The following RNASE8 variants were observed in gnomAD, a reference collection of about 807,000 sequenced individuals.
The protein encoded by RNASE8 is ribonuclease 8.
For missense variants in RNASE8, 179 were observed against 187.9 expected (o/e 0.95, Z 0.28); for synonymous variants, 68 against 74.1 (o/e 0.92, Z 0.42).
chr14:21,058,227 C>A, the RNASE8 span: 1 of 1,614,162 alleles, frequency 6.2e-7, no homozygotes. Context: ...GAGCTCACCT[C>A]AGGGAAGTAC....
At position 21,058,209 on chromosome 14, in the gene RNASE8, C is replaced by T. The variant is rs755438878; in HGVS notation, c.317C>T (p.Thr106Ile). ...CHQSHGPMSL[T>I]MGELTSGKYP... ...CAGAGCCACGGGCCCATGTCCCTGA[C>T]CATGGGTGAGCTCACCTCAGGGAAG... The change falls in exon 1 of 1, where the codon ACC (threonine) becomes ATC (isoleucine). Residue 106 changes from threonine (T) to isoleucine (I), a missense_variant. Coordinates refer to ENST00000308227, the MANE Select transcript of RNASE8 (RefSeq NM_138331.2). The T allele has an allele frequency of 3.1e-6, 5 of 1,614,018 alleles. No homozygotes were observed. The East Asian group carries it at 8.9e-5, about 29-fold the overall frequency.
chr14:21,058,054 G>A lies in RNASE8; in HGVS notation c.162G>A (p.Met54Ile), dbSNP rs754094447. The A allele has an allele frequency of 4.3e-6, 7 of 1,614,126 alleles. No homozygotes were observed. Among genetic ancestry groups the A allele is most frequent in the Non-Finnish European group, 5.9e-6 (7 of 1,180,036 alleles). Residue 54 changes from methionine to isoleucine, a missense_variant, in exon 1 of 1, where the codon ATG becomes ATA. Transcript: ENST00000308227. ...GCCCTCAAGCATGCAACTCAGCCAT[G>A]AGCATCATCAATAAGTACACAGAAC... The part of the protein sequence containing the change: ...QPSPQACNSA[M>I]SIINKYTERC...
At position 21,058,300 on chromosome 14, in the gene RNASE8, A is replaced by T. The variant is rs1258367412; in HGVS notation, c.408A>T (p.Pro136=). ...NTPYIVACDP[P]QQGDPGYPLV... ...CTTACATAGTGGCCTGTGACCCTCC[A>T]CAACAGGGTGACCCAGGGTACCCAC... Residue 136 remains proline, a synonymous_variant, in exon 1 of 1, where the codon CCA becomes CCT. Coordinates refer to ENST00000308227, the MANE Select transcript of RNASE8 (RefSeq NM_138331.2). 1 of 1,614,032 alleles carries T rather than the reference A, an allele frequency of 6.2e-7. No individual in the cohort carries two copies. Among genetic ancestry groups the T allele is most frequent in the Admixed American group, 1.7e-5 (1 of 60,010 alleles).
Position 21,058,292 on chromosome 14 carries a change from G to A in RNASE8, c.400G>A (p.Asp134Asn). ...GAACACACCTTACATAGTGGCCTGTGACCCTCCACAACAGGGTGACCCAGG... is the reference window on the plus strand; with the variant it reads ...GAACACACCTTACATAGTGGCCTGTAACCCTCCACAACAGGGTGACCCAGG... The part of the protein sequence containing the change: ...HLNTPYIVAC[D>N]PPQQGDPGYP... The change falls in exon 1 of 1, where the codon GAC becomes AAC. Residue 134 changes from aspartate (D) to asparagine (N), a missense_variant. By Grantham distance (23) the Asp-to-Asn change is conservative. Transcript: ENST00000308227. 6.2e-7 allele frequency: 1 copy of A among 1,614,118 alleles called. No homozygotes were observed. The highest frequency in any genetic ancestry group is 8.5e-7 in the Non-Finnish European group (1 of 1,180,012).
chr14:21,058,214 G>A lies in RNASE8; in HGVS notation c.322G>A (p.Gly108Ser), dbSNP rs112589920. 1,597 of 1,614,096 alleles carry A rather than the reference G, an allele frequency of 9.9e-4. 6 individuals are homozygous for A. The African/African-American group carries it at 0.018, about 18-fold the overall frequency. Residue 108 changes from glycine to serine, a missense_variant, in exon 1 of 1, where the codon GGT becomes AGT. Transcript: ENST00000308227. ...CCACGGGCCCATGTCCCTGACCATG[G>A]GTGAGCTCACCTCAGGGAAGTACCC... Reference protein sequence around the residue: ...QSHGPMSLTMGELTSGKYPNC... With the variant: ...QSHGPMSLTMSELTSGKYPNC...
Position 21,058,020 on chromosome 14 carries a change from T to TGCA in RNASE8, c.131_133dup (p.Gln44dup). The stretch of plus-strand genomic sequence containing the variant: ...TCTCAGTGGTTTAAAACTCAGCATG[T>TGCA]GCAGCCCAGCCCTCAAGCATGCAAC... On this transcript the variant is annotated inframe_insertion, in exon 1 of 1. Coordinates refer to ENST00000308227, the MANE Select transcript of RNASE8 (RefSeq NM_138331.2). 1 of 1,614,076 alleles carries TGCA rather than the reference T, an allele frequency of 6.2e-7. No homozygotes were observed. The highest frequency in any genetic ancestry group is 8.5e-7 in the Non-Finnish European group (1 of 1,179,998).
In RNASE8 at chr14:21,058,444, C is replaced by A; in HGVS notation, c.*87C>A. On this transcript the variant is annotated 3_prime_UTR_variant, in exon 1 of 1. Coordinates refer to ENST00000308227, the MANE Select transcript of RNASE8 (RefSeq NM_138331.2). ...CCAGTTCGTTATTAATCCTTGCTCC[C>A]CACTGCAAATGCCATTTCCCTCCCA... 1.0e-6 allele frequency: 1 copy of A among 972,026 alleles called. No homozygotes were observed. Among genetic ancestry groups the A allele is most frequent in the Non-Finnish European group, 1.5e-6 (1 of 653,388 alleles). The allele number at this position is 972,026 out of a possible 1,614,324, so 60.2% of individuals were successfully genotyped here. A position where few individuals can be genotyped will look rare whatever the true frequency, so the allele number is the denominator to read the frequency against.
In RNASE8 at chr14:21,058,416, C is replaced by T; in HGVS notation, c.*59C>T. The T allele has an allele frequency of 4.0e-6, 5 of 1,263,606 alleles. No homozygotes were observed. Among genetic ancestry groups the T allele is most frequent in the Non-Finnish European group, 5.6e-6 (5 of 898,672 alleles). The allele number at this position is 1,263,606 out of a possible 1,614,324, so 78.3% of individuals were successfully genotyped here. ...AGACTGTATGCTGCTGCTTTTCCTC[C>T]CTCCAGTTCGTTATTAATCCTTGCT... is the stretch of plus-strand genomic sequence containing the variant. On this transcript the variant is annotated 3_prime_UTR_variant, in exon 1 of 1. Transcript: ENST00000308227.
At position 21,058,103 on chromosome 14, in the gene RNASE8, C is replaced by G; in HGVS notation, c.211C>G (p.Leu71Val). 1 of 1,614,164 alleles carries G rather than the reference C, an allele frequency of 6.2e-7. No homozygotes were observed. ...ACGGTGCAAAGACCTCAACACCTTC[C>G]TGCACGAGCCCTTCTCCAGTGTGGC... is the stretch of plus-strand genomic sequence containing the variant. The part of the protein sequence containing the change: ...TERCKDLNTF[L>V]HEPFSSVAIT... Residue 71 changes from leucine (L) to valine (V), a missense_variant, in exon 1 of 1, where the codon CTG becomes GTG. Physicochemically the swap from Leu to Val is conservative, Grantham distance 32. Transcript: ENST00000308227.
At position 21,058,185 on chromosome 14, in the gene RNASE8, A is replaced by G; in HGVS notation, c.293A>G (p.Gln98Arg). The G allele has an allele frequency of 6.2e-7, 1 of 1,614,178 alleles. No individual in the cohort carries two copies. Residue 98 changes from glutamine (Q) to arginine (R), a missense_variant, in exon 1 of 1, where the codon CAG becomes CGG. Coordinates refer to ENST00000308227, the MANE Select transcript of RNASE8 (RefSeq NM_138331.2). The part of the protein sequence containing the change: ...ACKNSCKNCH[Q>R]SHGPMSLTMG... ...AAGAATAGCTGTAAAAACTGCCACC[A>G]GAGCCACGGGCCCATGTCCCTGACC...
Position 21,058,007 on chromosome 14 carries a change from A to C in RNASE8, c.115A>C (p.Lys39Gln), listed in dbSNP as rs376705419. The C allele has an allele frequency of 2.6e-4, 424 of 1,613,948 alleles. 1 individual carries two copies. Among genetic ancestry groups the C allele is most frequent in the Non-Finnish European group, 3.0e-4 (353 of 1,180,006 alleles). ...GGACATGACATCATCTCAGTGGTTT[A>C]AAACTCAGCATGTGCAGCCCAGCCC... ...PKDMTSSQWF[K>Q]TQHVQPSPQA... The change falls in exon 1 of 1, where the codon AAA becomes CAA. Residue 39 changes from lysine (K) to glutamine (Q), a missense_variant. Lys to Gln is a moderately conservative substitution (Grantham distance 53, BLOSUM62 1). Coordinates refer to ENST00000308227, the MANE Select transcript of RNASE8 (RefSeq NM_138331.2).
rs1199766406 is a variant in RNASE8, at chr14:21,058,425, C to T, written c.*68C>T. On this transcript the variant is annotated 3_prime_UTR_variant, in exon 1 of 1. Transcript: ENST00000308227. ...GCTGCTGCTTTTCCTCCCTCCAGTT[C>T]GTTATTAATCCTTGCTCCCCACTGC... 7.9e-6 allele frequency: 9 copies of T among 1,146,266 alleles called. No individual in the cohort carries two copies. The highest frequency in any genetic ancestry group is 3.1e-5 in the African/African-American group (2 of 64,748). The allele number at this position is 1,146,266 out of a possible 1,614,324, so 71.0% of individuals were successfully genotyped here.
Position 21,058,385 on chromosome 14 carries a change from C to T in RNASE8, c.*28C>T, listed in dbSNP as rs776457451. Reference sequence around the variant, plus strand: ...CCTGGTGCCCACGTTCCACCTCACACTCTGCAGACTGTATGCTGCTGCTTT... The same window carrying T: ...CCTGGTGCCCACGTTCCACCTCACATTCTGCAGACTGTATGCTGCTGCTTT... On this transcript the variant is annotated 3_prime_UTR_variant, in exon 1 of 1. Coordinates refer to ENST00000308227, the MANE Select transcript of RNASE8 (RefSeq NM_138331.2). 1 of 1,472,832 alleles carries T rather than the reference C, an allele frequency of 6.8e-7. No individual in the cohort carries two copies. The highest frequency in any genetic ancestry group is 1.2e-5 in the South Asian group (1 of 81,000). The allele number at this position is 1,472,832 out of a possible 1,614,324, so 91.2% of individuals were successfully genotyped here.
the RNASE8 span, chr14:21,058,109 G>T: frequency 1.2e-6 from 2 of 1,614,042 alleles, no homozygotes; most frequent in South Asian, 1.1e-5. Context: ...CTTCCTGCAC[G>T]AGCCCTTCTC....
Position 21,058,108 on chromosome 14 carries a change from C to G in RNASE8, c.216C>G (p.His72Gln), listed in dbSNP as rs770559955. 1.2e-6 allele frequency: 2 copies of G among 1,614,190 alleles called. No homozygotes were observed. Among genetic ancestry groups the G allele is most frequent in the South Asian group, 2.2e-5 (2 of 91,082 alleles). The change falls in exon 1 of 1, where the codon CAC (histidine) becomes CAG (glutamine). Residue 72 changes from histidine (H) to glutamine (Q), a missense_variant. By Grantham distance (24) the His-to-Gln change is conservative (BLOSUM62 0). Coordinates refer to ENST00000308227, the MANE Select transcript of RNASE8 (RefSeq NM_138331.2). ...ERCKDLNTFL[H>Q]EPFSSVAITC... The stretch of plus-strand genomic sequence containing the variant: ...GCAAAGACCTCAACACCTTCCTGCA[C>G]GAGCCCTTCTCCAGTGTGGCCATCA...
At position 21,058,387 on chromosome 14, in the gene RNASE8, C is replaced by A; in HGVS notation, c.*30C>A. ...TGGTGCCCACGTTCCACCTCACACTCTGCAGACTGTATGCTGCTGCTTTTC... is the reference window on the plus strand; with the variant it reads ...TGGTGCCCACGTTCCACCTCACACTATGCAGACTGTATGCTGCTGCTTTTC... On this transcript the variant is annotated 3_prime_UTR_variant, in exon 1 of 1. Transcript: ENST00000308227. The A allele has an allele frequency of 1.4e-6, 2 of 1,470,356 alleles. No homozygotes were observed. The highest frequency in any genetic ancestry group is 1.9e-6 in the Non-Finnish European group (2 of 1,066,970). 91.1% of individuals were successfully genotyped at this position (1,470,356 alleles called of 1,614,324 possible).
Position 21,057,910 on chromosome 14 carries a change from A to C in RNASE8, c.18A>C (p.Ala6=). The stretch of plus-strand genomic sequence containing the variant: ...TAAGAGAGATGGCACCGGCCAGAGC[A>C]GGATGCTGCCCCCTGCTGCTGCTGC... MAPAR[A]GCCPLLLLLL... The change falls in exon 1 of 1, where the codon GCA becomes GCC. Residue 6 remains alanine, a synonymous_variant. Coordinates refer to ENST00000308227, the MANE Select transcript of RNASE8 (RefSeq NM_138331.2). The C allele has an allele frequency of 3.1e-6, 5 of 1,613,944 alleles. No individual in the cohort carries two copies. Among genetic ancestry groups the C allele is most frequent in the Non-Finnish European group, 4.2e-6 (5 of 1,179,964 alleles).
At position 21,058,139 on chromosome 14, in the gene RNASE8, C is replaced by A; in HGVS notation, c.247C>A (p.Gln83Lys). The A allele has an allele frequency of 6.2e-7, 1 of 1,614,154 alleles. No individual in the cohort carries two copies. The highest frequency in any genetic ancestry group is 1.1e-5 in the South Asian group (1 of 91,086). Reference sequence around the variant, plus strand: ...CTTCTCCAGTGTGGCCATCACCTGCCAGACCCCCAACATAGCCTGCAAGAA... The same window carrying A: ...CTTCTCCAGTGTGGCCATCACCTGCAAGACCCCCAACATAGCCTGCAAGAA... ...EPFSSVAITC[Q>K]TPNIACKNSC... Residue 83 changes from glutamine (Q) to lysine (K), a missense_variant, in exon 1 of 1, where the codon CAG becomes AAG. Coordinates refer to ENST00000308227, the MANE Select transcript of RNASE8 (RefSeq NM_138331.2).
Position 21,058,224 on chromosome 14 carries a change from C to T in RNASE8, c.332C>T (p.Thr111Ile), listed in dbSNP as rs770102071. Reference sequence around the variant, plus strand: ...ATGTCCCTGACCATGGGTGAGCTCACCTCAGGGAAGTACCCAAACTGCAGG... The same window carrying T: ...ATGTCCCTGACCATGGGTGAGCTCATCTCAGGGAAGTACCCAAACTGCAGG... ...GPMSLTMGEL[T>I]SGKYPNCRYK... The change falls in exon 1 of 1, where the codon ACC becomes ATC. Residue 111 changes from threonine (T) to isoleucine (I), a missense_variant. By Grantham distance (89) the Thr-to-Ile change is moderately conservative. Coordinates refer to ENST00000308227, the MANE Select transcript of RNASE8 (RefSeq NM_138331.2). The T allele has an allele frequency of 1.2e-6, 2 of 1,614,032 alleles. No individual in the cohort carries two copies. The highest frequency in any genetic ancestry group is 4.5e-5 in the East Asian group (2 of 44,888).
Sources: allele counts gnomAD v4.1 joint callset, GRCh38; gene constraint gnomAD v4.1.1; transcripts MANE v1.5; gene names NCBI Gene and HGNC (gene_info 2026-07-23, HGNC 2026-07-21).